The following KCNMB1 variants were observed in gnomAD, a reference collection of about 807,000 sequenced individuals.
KCNMB1 encodes the protein potassium calcium-activated channel subfamily M regulatory beta subunit 1.
In KCNMB1, 22 loss-of-function variants were observed where a neutral mutation model predicts 21.7. The ratio of observed to expected loss-of-function variants is 1.01; its 90% CI spans 0.72 to 1.45. The LOEUF is 1.45. Ranked by LOEUF, KCNMB1 falls within the 40% of genes most tolerant of loss-of-function variation. The pLI is 0.00. For synonymous variants in KCNMB1, 114 were observed against 107.6 expected, an observed-to-expected ratio of 1.06 and a Z score of -0.37; for missense variants, 243 against 243.4, an observed-to-expected ratio of 1.00 and a Z score of 0.01.
rs374179746 is a variant in KCNMB1 at position 170,378,854 on chromosome 5, G to T, written c.426C>A (p.Asn142Lys). 1.9e-6 allele frequency: 3 copies of T among 1,614,132 alleles called. No homozygotes were observed. Among genetic ancestry groups the T allele is most frequent in the African/African-American group, 1.3e-5 (1 of 74,946 alleles). ...VFYCFSAPRG[N>K]ETSVLFQRLY... is the part of the protein sequence containing the mutation. ...GGCGCTGGAATAGGACGCTGGTTTC[G>T]TTCCCCCGAGGTGCGGAGAAGCAGT... Residue 142 changes from asparagine to lysine, a missense_variant, in exon 4 of 4, where the codon AAC becomes AAA. By Grantham distance (94) the Asn-to-Lys change is moderately conservative (BLOSUM62 0). Coordinates refer to ENST00000274629, the MANE Select transcript of KCNMB1 (RefSeq NM_004137.4).
chr5:170,385,574 A>C, intron 1 of KCNMB1, 103 bp from the exon 2 acceptor site: 26 of 1,050,402 alleles, frequency 2.5e-5, no homozygotes, highest in Non-Finnish European at 3.5e-5. Context: ...TATTAATATC[A>C]CTCTTGTTTA....
intron 1 of KCNMB1, among the ~76,000 whole-genome samples, chr5:170,386,003 G>A (rs1259530661): frequency 6.6e-6 from 1 of 151,866 alleles, no homozygotes; most frequent in Non-Finnish European, 1.5e-5. Flanking sequence ...GTGGGAGCCA[G>A]TAGTCCCAGC....
chr5:170,385,425 G>A lies in KCNMB1; in HGVS notation c.23C>T (p.Ala8Val). The change falls in exon 2 of 4, where the codon GCC becomes GTC. Residue 8 changes from alanine to valine, a missense_variant. Ala to Val is a moderately conservative substitution (Grantham distance 64). Transcript: ENST00000274629. ...GGCTCGTGTCTCTCCCCGCTTCTGG[G>A]CCATCACCAGCTTCTTCACCATATT... MVKKLVM[A>V]QKRGETRALC... The A allele has an allele frequency of 6.2e-7, 1 of 1,614,114 alleles. No homozygotes were observed. Among genetic ancestry groups the A allele is most frequent in the Non-Finnish European group, 8.5e-7 (1 of 1,180,014 alleles).
At chr5:170,380,661 T>C (rs944104254) in intron 3 of KCNMB1, among the ~76,000 whole-genome samples, 1 of 152,222 alleles carries the variant, frequency 6.6e-6, no homozygotes, top group African/African-American at 2.4e-5. Flanking sequence ...CATTCAGAGC[T>C]GTTGGACACT....
At position 170,383,671 on chromosome 5, in the gene KCNMB1, T is replaced by C. The variant is rs1300816004; in HGVS notation, c.306+8A>G. 6.2e-7 allele frequency: 1 copy of C among 1,614,050 alleles called. No individual in the cohort carries two copies. The highest frequency in any genetic ancestry group is 1.1e-5 in the South Asian group (1 of 91,074). ...AAGGGATGTGTCCCCATCCCTCCAG[T>C]TCAGTACCTGCTGGTTCTGGTCCCG... On this transcript the variant is annotated splice_region_variant and intron_variant, in intron 3 of 3. Transcript: ENST00000274629.
chr5:170,385,556 T>TACTCAACTAATTAAA (rs1764435613), intron 1 of KCNMB1, 85 bp from the exon 2 acceptor site: 1 of 1,210,848 alleles, frequency 8.3e-7, no homozygotes, highest in Admixed American at 1.9e-5. Context: ...GAGGGGAAGG[T>TACTCAACTAATTAAA]ACTCAACTAT....
At chr5:170,379,145 T>A (rs1764135444) in intron 3 of KCNMB1, among the ~76,000 whole-genome samples, 172 bp from the exon 4 acceptor site, 1 of 152,136 alleles carries the variant, frequency 6.6e-6, no homozygotes, top group African/African-American at 2.4e-5. Flanking sequence ...GAGAGCACGC[T>A]CTCATTTGTG....
intron 3 of KCNMB1, 22 bp downstream of exon 3, chr5:170,383,657 C>A: frequency 6.2e-7 from 1 of 1,607,534 alleles, no homozygotes; most frequent in Non-Finnish European, 8.5e-7. Context: ...AGGGATGTGT[C>A]CCCATCCCTC....
intron 3 of KCNMB1, 22 bp downstream of exon 3, chr5:170,383,657 C>T (rs1345539872): frequency 6.2e-7 from 1 of 1,607,416 alleles, no homozygotes; most frequent in Non-Finnish European, 8.5e-7. Context: ...AGGGATGTGT[C>T]CCCATCCCTC....
Position 170,375,080 on chromosome 5 carries a change from A to G in KCNMB1, c.*3624T>C, listed in dbSNP as rs1561590235. ...AATAGACCCTTTAAATCAGACTCCA[A>G]GTTGGGACTTCCTTTCTTATTTTTC... On this transcript the variant is annotated 3_prime_UTR_variant, in exon 4 of 4. Coordinates refer to ENST00000274629, the MANE Select transcript of KCNMB1 (RefSeq NM_004137.4). 6.6e-6 allele frequency: 1 copy of G among 152,216 alleles called. No homozygotes were observed. The highest frequency in any genetic ancestry group is 1.5e-5 in the Non-Finnish European group (1 of 68,032). 9.4% of individuals were successfully genotyped at this position (152,216 alleles called of 1,614,324 possible).
chr5:170,383,599 C>T (rs748640750), intron 3 of KCNMB1, 80 bp downstream of exon 3: 19 of 1,508,422 alleles, frequency 1.3e-5, no homozygotes, highest in Admixed American at 3.5e-5. Flanking sequence ...TTCTCAGCCT[C>T]GGGGACAGGG....
At chr5:170,384,945 G>A (rs2071158) in intron 2 of KCNMB1, among the ~76,000 whole-genome samples, 32,965 of 152,156 alleles carry the variant, frequency 0.22, 3,686 homozygotes, top group South Asian at 0.27. Context: ...AGGCTTCAGA[G>A]GGGAGAGAAT....
chr5:170,385,195 T>G (rs1371509542), intron 2 of KCNMB1, 119 bp downstream of exon 2: 1 of 1,118,966 alleles, frequency 8.9e-7, no homozygotes, highest in East Asian at 2.4e-5. Context: ...AGCATCGTCT[T>G]GACCCTGCTG....
At chr5:170,380,330 C>T (rs73325653) in intron 3 of KCNMB1, among the ~76,000 whole-genome samples, 116 of 152,312 alleles carry the variant, frequency 7.6e-4, no homozygotes, top group African/African-American at 2.8e-3. Flanking sequence ...TCACTGAGGG[C>T]GAGACCCAGG....
At position 170,385,351 on chromosome 5, in the gene KCNMB1, T is replaced by G; in HGVS notation, c.97A>C (p.Ile33Leu). Residue 33 changes from isoleucine to leucine, a missense_variant, in exon 2 of 4, where the codon ATC becomes CTC. Transcript: ENST00000274629. ...AGGGGCAGCACAGTCGTGACCAGGA[T>G]GTAGTAGGTGATGACGGCACACACC... ...MVVCAVITYY[I>L]LVTTVLPLYQ... The G allele has an allele frequency of 1.2e-6, 2 of 1,613,954 alleles. No homozygotes were observed. Among genetic ancestry groups the G allele is most frequent in the Non-Finnish European group, 1.7e-6 (2 of 1,179,968 alleles).
chr5:170,388,990 T>C (rs7716257), intron 1 of KCNMB1, among the ~76,000 whole-genome samples: 4,913 of 152,250 alleles, frequency 0.032, 171 homozygotes, highest in East Asian at 0.11. Flanking sequence ...AGCATTGGTG[T>C]TAATCTCCAG....
chr5:170,388,653 G>C (rs1453982204), intron 1 of KCNMB1, among the ~76,000 whole-genome samples: 1 of 152,214 alleles, frequency 6.6e-6, no homozygotes, highest in Non-Finnish European at 1.5e-5. Context: ...ACAAGGAATA[G>C]AGTACATTGT....
Position 170,378,433 on chromosome 5 carries a change from A to G in KCNMB1, c.*271T>C, listed in dbSNP as rs1346339486. 7.1e-6 allele frequency: 3 copies of G among 424,396 alleles called. No homozygotes were observed. In the East Asian group the frequency reaches 1.2e-4, roughly 16 times the overall value. The allele number at this position is 424,396 out of a possible 1,614,324, so 26.3% of individuals were successfully genotyped here. On this transcript the variant is annotated 3_prime_UTR_variant, in exon 4 of 4. Coordinates refer to ENST00000274629, the MANE Select transcript of KCNMB1 (RefSeq NM_004137.4). ...AGTGATGCAGCCGGAAACAGGTATG[A>G]GTCAGTTGAGTGGGGACAGGTAATA...
chr5:170,382,308 T>A (rs1764275056), intron 3 of KCNMB1, among the ~76,000 whole-genome samples: 1 of 152,216 alleles, frequency 6.6e-6, no homozygotes, highest in African/African-American at 2.4e-5. Flanking sequence ...TCCACCTTGA[T>A]ATGTCTAGTG....
Sources: gnomAD v4.1 joint callset for allele counts (sites outside exome capture counted in the v4.1 genomes callset) on GRCh38, gnomAD v4.1.1 for gene constraint, MANE v1.5 for transcripts, NCBI Gene and HGNC (gene_info 2026-07-23, HGNC 2026-07-21) for gene names.